The following EBF3 variants were observed in gnomAD, a reference collection of about 807,000 sequenced individuals.
EBF3 encodes the protein EBF transcription factor 3.
A neutral mutation model predicts 77.1 loss-of-function variants in EBF3; 18 were observed. The observed-to-expected ratio is 0.23, with a 90% CI of 0.16 to 0.35. The LOEUF is 0.35. Ranked by LOEUF, EBF3 falls within the 10% of genes least tolerant of loss-of-function variation. The probability of loss-of-function intolerance (pLI) is 1.00; values close to 1 mark genes in which losing one functional copy is unlikely to be tolerated. For missense variants in EBF3, 558 were observed against 860.0 expected (o/e 0.65, Z 4.39); for synonymous variants, 350 against 343.5 (o/e 1.02, Z -0.21).
chr10:129,932,624 G>A (rs1373323739), intron 6 of EBF3, among the ~76,000 whole-genome samples: 1 of 152,206 alleles, frequency 6.6e-6, no homozygotes, highest in Non-Finnish European at 1.5e-5. Context: ...CCACGTGCCT[G>A]TGATGCCATC....
chr10:129,945,067 AGGGG>A (rs1366211083), intron 6 of EBF3, among the ~76,000 whole-genome samples: 6 of 54,352 alleles, frequency 1.1e-4, no homozygotes, highest in Admixed American at 5.5e-4. Flanking sequence ...CGGGGAGGGG[AGGGG>A]AGGGGAGGGG....
At chr10:129,844,814 C>T (rs1349404658) in intron 11 of EBF3, among the ~76,000 whole-genome samples, 1 of 152,096 alleles carries the variant, frequency 6.6e-6, no homozygotes, top group Non-Finnish European at 1.5e-5. Flanking sequence ...ATGAAAGGCC[C>T]AGCTGTCTTA....
chr10:129,841,043 C>CCCCT lies in EBF3; in HGVS notation c.1373-12_1373-11insAGGG. 1.5e-6 allele frequency: 2 copies of CCCCT among 1,350,208 alleles called. No homozygotes were observed. 83.6% of individuals were successfully genotyped at this position (1,350,208 alleles called of 1,614,324 possible). ...TGCGACTGTAGCCGACTGTTGAAAT[C>CCCCT]CCCCCCCCGGCCAAAAATAACATTA... On this transcript the variant is annotated splice_polypyrimidine_tract_variant and intron_variant, in intron 13 of 16. Transcript: ENST00000440978. This position sits in a 1 kb window ranked among gnomAD's most constrained non-coding sequence, Gnocchi z 4.6.
intron 6 of EBF3, among the ~76,000 whole-genome samples, chr10:129,886,555 T>C (rs985012133): frequency 2.6e-5 from 4 of 152,140 alleles, no homozygotes; most frequent in Non-Finnish European, 1.5e-5. Context: ...GGTGTTAAAA[T>C]CTCAGTAAAC....
chr10:129,959,844 T>A (rs1227585817), intron 4 of EBF3, among the ~76,000 whole-genome samples: 1 of 152,060 alleles, frequency 6.6e-6, no homozygotes, highest in Non-Finnish European at 1.5e-5. Flanking sequence ...CACGTGCTCC[T>A]CGCCGGATGA....
intron 10 of EBF3, 37 bp downstream of exon 10, chr10:129,867,104 T>C: frequency 6.2e-7 from 1 of 1,603,442 alleles, no homozygotes; most frequent in Non-Finnish European, 8.5e-7. Flanking sequence ...AGGAGGCCTC[T>C]ACCGCTTTCC....
intron 6 of EBF3, among the ~76,000 whole-genome samples, chr10:129,929,449 G>A (rs1471945514): frequency 1.3e-5 from 2 of 151,940 alleles, no homozygotes; most frequent in Non-Finnish European, 2.9e-5. Flanking sequence ...CAAGCAATCC[G>A]CCCACCTCAG....
At chr10:129,858,960 G>A (rs115880715) in intron 10 of EBF3, among the ~76,000 whole-genome samples, 7,746 of 152,206 alleles carry the variant, frequency 0.051, 390 homozygotes, top group African/African-American at 0.11. Context: ...AATCTGCCAC[G>A]GCCTCCTATC....
At chr10:129,884,516 G>A (rs1338526351) in intron 6 of EBF3, among the ~76,000 whole-genome samples, 1 of 152,136 alleles carries the variant, frequency 6.6e-6, no homozygotes, top group Non-Finnish European at 1.5e-5. Flanking sequence ...ATGACAAATT[G>A]CTTTAACACC....
chr10:129,951,765 C>A (rs1858700541), intron 6 of EBF3, among the ~76,000 whole-genome samples: 1 of 152,274 alleles, frequency 6.6e-6, no homozygotes, highest in Non-Finnish European at 1.5e-5. Flanking sequence ...GCGTGGTGCA[C>A]ACCCGCATCT....
chr10:129,840,493 G>A (rs970244028), intron 14 of EBF3, 51 bp from the exon 15 acceptor site: 32 of 1,527,440 alleles, frequency 2.1e-5, no homozygotes, highest in Admixed American at 6.0e-5. Flanking sequence ...ACAGCGCCAC[G>A]GCGAGAGGGC....
intron 6 of EBF3, among the ~76,000 whole-genome samples, chr10:129,934,874 A>C (rs187050241): frequency 7.2e-5 from 11 of 152,164 alleles, no homozygotes; most frequent in African/African-American, 2.6e-4. Flanking sequence ...CCCTCGGGAA[A>C]CTTCTAGAAC....
intron 6 of EBF3, among the ~76,000 whole-genome samples, chr10:129,917,133 C>A (rs375072416): frequency 3.9e-5 from 6 of 152,112 alleles, no homozygotes; most frequent in African/African-American, 1.4e-4. Context: ...CTTGGGAGGC[C>A]GAGGCAGGTG....
At chr10:129,962,055 G>T in intron 4 of EBF3, 116 bp downstream of exon 4, 1 of 939,892 alleles carries the variant, frequency 1.1e-6, no homozygotes, top group Non-Finnish European at 1.7e-6. Flanking sequence ...AGCATGTCAA[G>T]GAAACTCAAT....
rs1564930246 is a variant in EBF3, at chr10:129,962,230, C to G, written c.356-4G>C. 1 of 1,613,656 alleles carries G rather than the reference C, an allele frequency of 6.2e-7. No homozygotes were observed. Reference sequence around the variant, plus strand: ...AGATCTTGCTCTGTTCTGACTCCTGCAAAAAAACAGAGACAAATTCTCATC... The same window carrying G: ...AGATCTTGCTCTGTTCTGACTCCTGGAAAAAAACAGAGACAAATTCTCATC... On this transcript the variant is annotated splice_region_variant and splice_polypyrimidine_tract_variant and intron_variant, in intron 3 of 16. Coordinates refer to ENST00000440978, the MANE Select transcript of EBF3 (RefSeq NM_001375380.1).
intron 6 of EBF3, among the ~76,000 whole-genome samples, chr10:129,923,051 CG>C (rs1322680185): frequency 6.6e-6 from 1 of 152,180 alleles, no homozygotes; most frequent in Non-Finnish European, 1.5e-5. Flanking sequence ...AGGGGTAACC[CG>C]AATATCTCCA....
intron 6 of EBF3, among the ~76,000 whole-genome samples, chr10:129,955,825 C>T (rs145599599): frequency 6.6e-6 from 1 of 152,340 alleles, no homozygotes; most frequent in Non-Finnish European, 1.5e-5. Context: ...CGCAATCCTT[C>T]ATTTAAAGCC....
chr10:129,840,817 T>C (rs962552911), intron 14 of EBF3, 27 bp downstream of exon 14: 1 of 1,602,718 alleles, frequency 6.2e-7, no homozygotes, highest in Non-Finnish European at 8.5e-7. Flanking sequence ...ATCTGCGTGA[T>C]GACGTGTGAC....
At chr10:129,894,282 A>G (rs1854218931) in intron 6 of EBF3, among the ~76,000 whole-genome samples, 1 of 152,220 alleles carries the variant, frequency 6.6e-6, no homozygotes, top group African/African-American at 2.4e-5. Flanking sequence ...TCATTTAATT[A>G]ATTTAATAAT....
Sources: gnomAD v4.1 joint callset for allele counts (sites outside exome capture counted in the v4.1 genomes callset) on GRCh38, gnomAD v4.1.1 for gene constraint, Gnocchi (gnomAD v3.1) non-coding constraint, MANE v1.5 for transcripts, NCBI Gene and HGNC (gene_info 2026-07-23, HGNC 2026-07-21) for gene names.